Variants in ATP6V0D1 observed in about 807,000 individuals in gnomAD.
ATP6V0D1 encodes V-type proton ATPase subunit d 1.
Under a neutral mutation model 39.0 loss-of-function variants are expected in ATP6V0D1, and 13 were observed. The ratio of observed to expected loss-of-function variants is 0.33; its 90% CI spans 0.22 to 0.53. ATP6V0D1 has a LOEUF of 0.53. Ranked by LOEUF, ATP6V0D1 falls within the 20% of genes least tolerant of loss-of-function variation. The pLI, the probability that ATP6V0D1 is intolerant of heterozygous loss-of-function variation, is 0.94. For synonymous variants in ATP6V0D1, 191 were observed against 191.2 expected (o/e 1.00, Z 0.01); for missense variants, 272 against 470.9 (o/e 0.58, Z 3.91).
rs1327047500 is a variant in ATP6V0D1 at position 67,443,176 on chromosome 16, C to A, written c.484G>T (p.Ala162Ser). 2 of 1,613,778 alleles carry A rather than the reference C, an allele frequency of 1.2e-6. No individual in the cohort carries two copies. The highest frequency in any genetic ancestry group is 2.7e-5 in the African/African-American group (2 of 74,910). Residue 162 changes from alanine (A) to serine (S), a missense_variant and splice_region_variant, in exon 4 of 8, where the codon GCT becomes TCT. Ala to Ser is a moderately conservative substitution (Grantham distance 99). Around this residue, in one of 4 missense-constraint regions of ATP6V0D1, gnomAD observed 135 missense variants for 273.8 expected, o/e 0.49. Coordinates refer to ENST00000290949, the MANE Select transcript of ATP6V0D1 (RefSeq NM_004691.5). ...TCTGAAATGCAGTCCTGGAAAAAAG[C>A]CGCTGGGGAGGAAACATGGTTTGAG... is the stretch of plus-strand genomic sequence containing the variant. ...NAILVDTPLA[A>S]FFQDCISEQD...
intron 4 of ATP6V0D1, chr16:67,440,267 C>T (rs1294872112): frequency 6.6e-6 from 1 of 152,310 alleles, no homozygotes. Context: ...ATGGCAGGCA[C>T]ATGGGCTGCC....
intron 2 of ATP6V0D1, chr16:67,445,729 G>A: frequency 2.8e-6 from 1 of 353,516 alleles, no homozygotes; most frequent in Non-Finnish European, 5.7e-6. Flanking sequence ...GGGTGAGACT[G>A]CCCAGTTCAG....
At chr16:67,442,565 T>C (rs1200524290) in intron 4 of ATP6V0D1, among the ~76,000 whole-genome samples, 1 of 151,990 alleles carries the variant, frequency 6.6e-6, no homozygotes, top group Non-Finnish European at 1.5e-5. Context: ...GGTTGCCCAG[T>C]CTATGCTACA....
intron 2 of ATP6V0D1, chr16:67,452,095 G>T: frequency 8.6e-7 from 1 of 1,164,204 alleles, no homozygotes; most frequent in African/African-American, 1.5e-5. Flanking sequence ...TATGTCCTCA[G>T]CTCTGGCTTT....
chr16:67,438,655 A>T lies in ATP6V0D1; in HGVS notation c.929T>A (p.Phe310Tyr), dbSNP rs765307056. 1 of 1,614,228 alleles carries T rather than the reference A, an allele frequency of 6.2e-7. No individual in the cohort carries two copies. The highest frequency in any genetic ancestry group is 1.3e-5 in the African/African-American group (1 of 75,056). Residue 310 changes from phenylalanine (F) to tyrosine (Y), a missense_variant, in exon 8 of 8, where the codon TTC becomes TAC. Physicochemically the swap from Phe to Tyr is conservative, Grantham distance 22 (BLOSUM62 3). Coordinates refer to ENST00000290949, the MANE Select transcript of ATP6V0D1 (RefSeq NM_004691.5). ...GAAGGCATAGAAGACACCAAAGTGG[A>T]ACTGGTTCAGGAAGGCCAACTTGTT... ...KLNKLAFLNQ[F>Y]HFGVFYAFVK...
chr16:67,438,905 G>A (rs1204163948), intron 6 of ATP6V0D1, 35 bp from the exon 7 acceptor site: 1 of 1,613,410 alleles, frequency 6.2e-7, no homozygotes, highest in Middle Eastern at 1.6e-4. Context: ...ACAAGCATGA[G>A]GGTTCTGGGT....
chr16:67,438,048 T>C lies in ATP6V0D1; in HGVS notation c.*480A>G. ...CCTTAGAGAGGGCAGTTTTATTGTC[T>C]CAGAGGGGCAGGGCTGAGGGAGGGA... On this transcript the variant is annotated 3_prime_UTR_variant, in exon 8 of 8. Coordinates refer to ENST00000290949, the MANE Select transcript of ATP6V0D1 (RefSeq NM_004691.5). 1 of 171,130 alleles carries C rather than the reference T, an allele frequency of 5.8e-6. No homozygotes were observed. The highest frequency in any genetic ancestry group is 1.3e-5 in the Non-Finnish European group (1 of 79,140). 10.6% of individuals were successfully genotyped at this position (171,130 alleles called of 1,614,324 possible). A position where few individuals can be genotyped will look rare whatever the true frequency, so the allele number is the denominator to read the frequency against.
intron 4 of ATP6V0D1, chr16:67,439,681 C>A: frequency 2.6e-6 from 1 of 377,932 alleles, no homozygotes; most frequent in Non-Finnish European, 4.9e-6. Context: ...GCTGCTCTGC[C>A]TTCCTTTTCC....
In ATP6V0D1 at chr16:67,453,626, G is replaced by T; in HGVS notation, c.220C>A (p.Leu74Ile). ...PLTVSVIDDR[L>I]KEKMVVEFRH... ...AACTCCACCACCATCTTCTCCTTGA[G>T]CCGGTCATCGATGACTGACACCGTC... The change falls in exon 2 of 8, where the codon CTC becomes ATC. Residue 74 changes from leucine (L) to isoleucine (I), a missense_variant. Physicochemically the swap from Leu to Ile is conservative, Grantham distance 5. This residue lies in a region of ATP6V0D1 where 81 missense variants were observed against 96.0 expected (regional missense o/e 0.84). Coordinates refer to ENST00000290949, the MANE Select transcript of ATP6V0D1 (RefSeq NM_004691.5). The surrounding 1 kb of genome is among the most constrained non-coding windows in gnomAD (Gnocchi z 4.1). 1 of 1,614,196 alleles carries T rather than the reference G, an allele frequency of 6.2e-7. No individual in the cohort carries two copies. The highest frequency in any genetic ancestry group is 8.5e-7 in the Non-Finnish European group (1 of 1,180,030).
chr16:67,450,010 G>A (rs371995600), intron 2 of ATP6V0D1, among the ~76,000 whole-genome samples: 3 of 152,136 alleles, frequency 2.0e-5, no homozygotes, highest in Admixed American at 6.5e-5. Flanking sequence ...TGGAGCTAAG[G>A]TGACCTCTGT....
At chr16:67,458,749 A>T (rs1028925362) in intron 1 of ATP6V0D1, among the ~76,000 whole-genome samples, 1 of 152,160 alleles carries the variant, frequency 6.6e-6, no homozygotes, top group Non-Finnish European at 1.5e-5. Context: ...CCAACTCAGA[A>T]GCAGCAGACC....
chr16:67,438,355 C>T lies in ATP6V0D1; in HGVS notation c.*173G>A. On this transcript the variant is annotated 3_prime_UTR_variant, in exon 8 of 8. Coordinates refer to ENST00000290949, the MANE Select transcript of ATP6V0D1 (RefSeq NM_004691.5). The stretch of plus-strand genomic sequence containing the variant: ...CCCAGCCCCTTTTCAGGCCTAAGAA[C>T]AGTCTCTAAGAGGGTCAGGAGAACT... 1.3e-6 allele frequency: 1 copy of T among 762,396 alleles called. No homozygotes were observed. Among genetic ancestry groups the T allele is most frequent in the South Asian group, 1.9e-5 (1 of 53,926 alleles). The allele number at this position is 762,396 out of a possible 1,614,324, so 47.2% of individuals were successfully genotyped here. A position where few individuals can be genotyped will look rare whatever the true frequency, so the allele number is the denominator to read the frequency against.
rs1428070134 is a variant in ATP6V0D1 at position 67,438,406 on chromosome 16, C to T, written c.*122G>A. The stretch of plus-strand genomic sequence containing the variant: ...GGGCAGCCGCTAGGACAGCGTACTA[C>T]ACCCCGGACAGGCAGGTGAGCCACA... On this transcript the variant is annotated 3_prime_UTR_variant, in exon 8 of 8. Transcript: ENST00000290949. 3.3e-6 allele frequency: 4 copies of T among 1,221,284 alleles called. No homozygotes were observed. The Admixed American group carries it at 8.4e-5, about 26-fold the overall frequency. 75.7% of individuals were successfully genotyped at this position (1,221,284 alleles called of 1,614,324 possible). A position where few individuals can be genotyped will look rare whatever the true frequency, so the allele number is the denominator to read the frequency against.
At chr16:67,471,624 G>T (rs573801082) in intron 1 of ATP6V0D1, among the ~76,000 whole-genome samples, 1 of 152,022 alleles carries the variant, frequency 6.6e-6, no homozygotes, top group South Asian at 2.1e-4. Flanking sequence ...ATTTTATACA[G>T]ATTAATCATC....
chr16:67,476,164 G>T (rs112787552), intron 1 of ATP6V0D1, among the ~76,000 whole-genome samples: 37 of 151,878 alleles, frequency 2.4e-4, no homozygotes, highest in Admixed American at 3.9e-4. Flanking sequence ...AGAGGTTGCA[G>T]TGAGCTGAGA....
At chr16:67,450,484 C>T (rs1050300413) in intron 2 of ATP6V0D1, among the ~76,000 whole-genome samples, 10 of 151,948 alleles carry the variant, frequency 6.6e-5, no homozygotes, top group African/African-American at 2.2e-4. Context: ...GGAGAGTGGC[C>T]AGAGAGGTAG....
intron 2 of ATP6V0D1, among the ~76,000 whole-genome samples, chr16:67,446,609 TA>T (rs374917781): frequency 1.3e-5 from 2 of 152,102 alleles, no homozygotes; most frequent in Non-Finnish European, 2.9e-5. Context: ...GCATATTTTC[TA>T]CCCCGGACAG....
At position 67,479,213 on chromosome 16, in the gene ATP6V0D1, A is replaced by ATT. The variant is rs574026889; in HGVS notation, c.130+1742_130+1743dup. ...AACACCTACAATTATTGTACTGCCG[A>ATT]TTTTTTTTTTTTTTTGAGACGGGGT... On this transcript the variant is annotated intron_variant, in intron 1 of 7. Transcript: ENST00000290949. 6.2e-3 allele frequency among the ~76,000 whole-genome samples: 880 copies of ATT among 142,394 alleles called. 13 individuals carry two copies. The highest frequency in any genetic ancestry group is 0.021 in the African/African-American group (800 of 38,610). 93.4% of individuals were successfully genotyped at this position (142,394 alleles called of 152,430 possible).
At chr16:67,473,930 C>T (rs186979535) in intron 1 of ATP6V0D1, among the ~76,000 whole-genome samples, 57 of 152,296 alleles carry the variant, frequency 3.7e-4, no homozygotes, top group Admixed American at 1.2e-3. Context: ...GCTGGGACTA[C>T]AAGCATGAGC....
Sources: allele counts gnomAD v4.1 joint callset (sites outside exome capture counted in the v4.1 genomes callset), GRCh38; gene constraint gnomAD v4.1.1; regional missense constraint gnomAD v4.1.1; non-coding constraint Gnocchi (gnomAD v3.1); transcripts MANE v1.5; gene names NCBI Gene and HGNC (gene_info 2026-07-23, HGNC 2026-07-21).